The following CTIF variants were observed in gnomAD, a reference collection of about 807,000 sequenced individuals.
CTIF encodes the protein cap binding complex dependent translation initiation factor, also known as CBP80/20-dependent translation initiation factor.
In CTIF, 21 loss-of-function variants were observed where a neutral mutation model predicts 66.0. The observed-to-expected ratio is 0.32, with a 90% CI of 0.23 to 0.46. The LOEUF (loss-of-function observed/expected upper bound fraction) is 0.46, where lower values mean the gene tolerates loss of function less well. Among genes scored for constraint, CTIF ranks in the 20% least tolerant of loss-of-function variants. The probability of loss-of-function intolerance (pLI) is 1.00; values close to 1 mark genes in which losing one functional copy is unlikely to be tolerated. For missense variants in CTIF, 739 were observed against 812.7 expected, an observed-to-expected ratio of 0.91 and a Z score of 1.10; for synonymous variants, 345 against 326.4, an observed-to-expected ratio of 1.06 and a Z score of -0.62.
chr18:48,563,931 C>A lies in CTIF; in HGVS notation c.-29+24619C>A, dbSNP rs2089220473. The stretch of plus-strand genomic sequence containing the variant: ...TGTTCCCCGCCCCAGCCATCAGCAC[C>A]AGTCCCCTACCCCCTCAAAAGGCTC... On this transcript the variant is annotated intron_variant, in intron 1 of 11. Transcript: ENST00000256413. Among the ~76,000 whole-genome samples, 7 of 152,332 alleles carry A rather than the reference C, an allele frequency of 4.6e-5. No individual in the cohort carries two copies. The South Asian group carries it at 1.4e-3, about 32-fold the overall frequency.
At chr18:48,682,452 AG>A (rs1337255812) in intron 6 of CTIF, among the ~76,000 whole-genome samples, 4 of 152,118 alleles carry the variant, frequency 2.6e-5, no homozygotes, top group African/African-American at 9.7e-5. Context: ...ACTCTGGGAG[AG>A]GGGCCCAGTG....
intron 7 of CTIF, among the ~76,000 whole-genome samples, chr18:48,739,208 C>T (rs759121148): frequency 5.9e-5 from 9 of 152,174 alleles, no homozygotes; most frequent in African/African-American, 1.2e-4. Context: ...AGATTCCTCC[C>T]GGCATAGGAG....
intron 1 of CTIF, among the ~76,000 whole-genome samples, chr18:48,555,150 G>C (rs1291133241): frequency 7.1e-6 from 1 of 140,744 alleles, no homozygotes; most frequent in African/African-American, 3.3e-5. Context: ...GGTGTGACCT[G>C]AGTGGTGCAG....
At chr18:48,817,407 C>A in intron 10 of CTIF, 31 bp downstream of exon 10, 1 of 1,588,038 alleles carries the variant, frequency 6.3e-7, no homozygotes, top group South Asian at 1.1e-5. Flanking sequence ...GCCCCCTGCA[C>A]AGCCAGACAG....
chr18:48,677,077 A>G (rs1176109788), intron 6 of CTIF, among the ~76,000 whole-genome samples: 1 of 152,074 alleles, frequency 6.6e-6, no homozygotes, highest in Non-Finnish European at 1.5e-5. Context: ...CCTCCAGATG[A>G]GAAGGAGTAA....
chr18:48,796,266 C>T (rs895616519), intron 9 of CTIF, among the ~76,000 whole-genome samples: 1 of 151,384 alleles, frequency 6.6e-6, no homozygotes, highest in Non-Finnish European at 1.5e-5. Flanking sequence ...CTCCACCTCC[C>T]GGGTTCATGC....
At chr18:48,711,548 T>C (rs1250303257) in intron 6 of CTIF, 71 bp from the exon 7 acceptor site, 3 of 1,187,842 alleles carry the variant, frequency 2.5e-6, no homozygotes, top group East Asian at 2.3e-5. Context: ...GTGTACTTAG[T>C]GCAGTCCCAG....
intron 9 of CTIF, among the ~76,000 whole-genome samples, chr18:48,767,125 C>T (rs1219300821): frequency 6.6e-6 from 1 of 152,160 alleles, no homozygotes; most frequent in Non-Finnish European, 1.5e-5. Flanking sequence ...ACTAGACTGA[C>T]TAACTAGATG....
chr18:48,544,551 G>A (rs945606797), intron 1 of CTIF, among the ~76,000 whole-genome samples: 2 of 152,214 alleles, frequency 1.3e-5, no homozygotes, highest in African/African-American at 4.8e-5. Context: ...AGACCCAAAT[G>A]CTCACTTACC....
chr18:48,664,213 T>C (rs1240449959), intron 4 of CTIF, among the ~76,000 whole-genome samples: 2 of 152,214 alleles, frequency 1.3e-5, no homozygotes, highest in Non-Finnish European at 2.9e-5. Context: ...CAGAGGCCGC[T>C]GTGCAATGGG....
chr18:48,784,493 A>G (rs561522782), intron 9 of CTIF, among the ~76,000 whole-genome samples: 1 of 152,212 alleles, frequency 6.6e-6, no homozygotes, highest in South Asian at 2.1e-4. Flanking sequence ...GGTCGGAGGG[A>G]CCATACCCTT....
intron 5 of CTIF, among the ~76,000 whole-genome samples, chr18:48,670,100 G>A (rs893898876): frequency 6.6e-6 from 1 of 151,848 alleles, no homozygotes; most frequent in African/African-American, 2.4e-5. Flanking sequence ...TTCGGAATCT[G>A]CACCCTTAAA....
chr18:48,647,993 A>T (rs1167783839), intron 3 of CTIF, among the ~76,000 whole-genome samples: 1 of 152,184 alleles, frequency 6.6e-6, no homozygotes, highest in Non-Finnish European at 1.5e-5. Flanking sequence ...CATCTCCTGG[A>T]AGCCTTTCCC....
chr18:48,659,228 G>A (rs553893861), intron 3 of CTIF, among the ~76,000 whole-genome samples: 7 of 152,190 alleles, frequency 4.6e-5, no homozygotes, highest in Non-Finnish European at 7.4e-5. Context: ...TAAGGAGTGC[G>A]GCCCCTGTGT....
intron 3 of CTIF, among the ~76,000 whole-genome samples, chr18:48,649,395 G>T (rs780600828): frequency 6.6e-6 from 1 of 152,282 alleles, no homozygotes; most frequent in African/African-American, 2.4e-5. Flanking sequence ...CAGCCTGGAG[G>T]GGGAGGGGCG....
intron 1 of CTIF, 181 bp downstream of exon 1, chr18:48,539,493 A>G (rs1334395026): frequency 6.6e-6 from 1 of 152,426 alleles, no homozygotes; most frequent in Admixed American, 6.5e-5. Context: ...GTCCGCACCC[A>G]TCTACCATCC....
At chr18:48,712,016 A>G (rs1355493689) in intron 7 of CTIF, among the ~76,000 whole-genome samples, 1 of 152,144 alleles carries the variant, frequency 6.6e-6, no homozygotes, top group African/African-American at 2.4e-5. Flanking sequence ...GCTGACCTCA[A>G]AGCAACAATA....
At chr18:48,774,673 T>G (rs978747413) in intron 9 of CTIF, among the ~76,000 whole-genome samples, 1 of 151,996 alleles carries the variant, frequency 6.6e-6, no homozygotes, top group Non-Finnish European at 1.5e-5. Flanking sequence ...TCCAGAGAAG[T>G]CTGTATGCAC....
chr18:48,636,558 A>C, intron 2 of CTIF, 56 bp from the exon 3 acceptor site: 1 of 1,320,838 alleles, frequency 7.6e-7, no homozygotes, highest in Non-Finnish European at 1.0e-6. Flanking sequence ...AGCCTGGCAG[A>C]GTGAGCATGG....
Sources: allele counts gnomAD v4.1 joint callset (sites outside exome capture counted in the v4.1 genomes callset), GRCh38; gene constraint gnomAD v4.1.1; transcripts MANE v1.5; gene names NCBI Gene and HGNC (gene_info 2026-07-23, HGNC 2026-07-21).